The following SLC25A51 variants were observed in gnomAD, a reference collection of about 807,000 sequenced individuals.
SLC25A51 encodes the protein solute carrier family 25 member 51.
In SLC25A51, 11 loss-of-function variants were observed where a neutral mutation model predicts 19.1. The observed-to-expected ratio is 0.58, with a 90% CI of 0.36 to 0.96. The LOEUF is 0.96. SLC25A51 is among the 40% of genes least tolerant of loss of function. The probability of loss-of-function intolerance (pLI) is 0.01; values close to 1 mark genes in which losing one functional copy is unlikely to be tolerated. For missense variants in SLC25A51, 201 were observed against 365.4 expected, an observed-to-expected ratio of 0.55 and a Z score of 3.67; for synonymous variants, 105 against 133.6, an observed-to-expected ratio of 0.79 and a Z score of 1.47.
downstream of SLC25A51, chr9:37,878,147 A>G (rs889599971): frequency 6.1e-6 from 1 of 163,178 alleles, no homozygotes; most frequent in Non-Finnish European, 1.5e-5. Flanking sequence ...CTAAAAAACT[A>G]TGTGAGGGTA....
chr9:37,889,383 C>T (rs1831531488), intron 2 of SLC25A51, among the ~76,000 whole-genome samples: 1 of 152,024 alleles, frequency 6.6e-6, no homozygotes, highest in East Asian at 1.9e-4. Context: ...ACAATTACAC[C>T]AATGTGACAG....
chr9:37,886,135 C>T, downstream of SLC25A51: 2 of 1,424,114 alleles, frequency 1.4e-6, no homozygotes, highest in Non-Finnish European at 2.0e-6. Flanking sequence ...GCACATCACC[C>T]CTCACCAATC....
In SLC25A51 at chr9:37,881,716, T is replaced by C. The variant is rs1831353688; in HGVS notation, n.409-85A>G. On this transcript the variant is annotated intron_variant and non_coding_transcript_variant, in intron 2 of 3. Transcript: ENST00000496760. ...TGAAACCCCTCTTGACGAAATAAGA[T>C]GGATAGACAAAGGAATGTTTTACCT... 2.6e-5 allele frequency: 4 copies of C among 152,130 alleles called. No homozygotes were observed. In the South Asian group the frequency reaches 8.3e-4, roughly 32 times the overall value. 9.4% of individuals were successfully genotyped at this position (152,130 alleles called of 1,614,324 possible).
chr9:37,883,896 G>C (rs569092420), downstream of SLC25A51, among the ~76,000 whole-genome samples: 57 of 152,228 alleles, frequency 3.7e-4, no homozygotes, highest in Admixed American at 6.5e-4. Context: ...CTTTATTACT[G>C]CCTGGCTAAT....
chr9:37,882,614 G>C (rs1831370283), downstream of SLC25A51, among the ~76,000 whole-genome samples: 1 of 152,116 alleles, frequency 6.6e-6, no homozygotes, highest in Non-Finnish European at 1.5e-5. Flanking sequence ...AAACAAGAAA[G>C]ACACACATAT....
Position 37,891,379 on chromosome 9 carries a change from G to A in SLC25A51, c.-42-2787C>T, listed in dbSNP as rs533576172. Among the ~76,000 whole-genome samples, 134 of 152,308 alleles carry A rather than the reference G, an allele frequency of 8.8e-4. 5 individuals are homozygous for A. In the East Asian group the frequency reaches 0.017, roughly 19 times the overall value. ...GTGTACCCAACAGCTCATTGAGAAC[G>A]GGCCATGATGACGATGGCGGTTTTG... On this transcript the variant is annotated intron_variant, in intron 2 of 2. Coordinates refer to ENST00000242275, the MANE Select transcript of SLC25A51 (RefSeq NM_033412.4).
intron 2 of SLC25A51, among the ~76,000 whole-genome samples, chr9:37,893,928 ACT>A (rs1181794208): frequency 6.6e-6 from 1 of 151,950 alleles, no homozygotes; most frequent in African/African-American, 2.4e-5. Flanking sequence ...AATCAGCCTG[ACT>A]CTGTTCACGC....
chr9:37,892,648 C>A (rs1428483054), intron 2 of SLC25A51, among the ~76,000 whole-genome samples: 1 of 151,904 alleles, frequency 6.6e-6, no homozygotes, highest in Non-Finnish European at 1.5e-5. Context: ...TCTTGGCTCA[C>A]CTGCAGCCTC....
downstream of SLC25A51, chr9:37,878,599 C>A: frequency 1.9e-5 from 3 of 159,128 alleles, no homozygotes; most frequent in South Asian, 5.4e-4. Flanking sequence ...TATCATGAGT[C>A]ATGCCACATA....
chr9:37,885,712 G>T, downstream of SLC25A51: 3 of 1,409,084 alleles, frequency 2.1e-6, no homozygotes, highest in Non-Finnish European at 2.0e-6. Context: ...ATGTTTCTCA[G>T]TGCCATTGTG....
intron 1 of SLC25A51, 47 bp downstream of exon 1, chr9:37,904,021 T>C (rs2118396420): frequency 6.6e-6 from 1 of 152,322 alleles, no homozygotes; most frequent in Non-Finnish European, 1.5e-5. Context: ...CCCTCCAACC[T>C]CATGCGAAGA....
intron 1 of SLC25A51, among the ~76,000 whole-genome samples, chr9:37,900,741 A>T (rs975242304): frequency 6.6e-6 from 1 of 152,030 alleles, no homozygotes; most frequent in African/African-American, 2.4e-5. Flanking sequence ...AATTACTTCT[A>T]ACCTGTGTAC....
intron 1 of SLC25A51, among the ~76,000 whole-genome samples, chr9:37,900,247 G>A (rs979877349): frequency 1.3e-5 from 2 of 151,654 alleles, no homozygotes; most frequent in Non-Finnish European, 1.5e-5. Context: ...TCAGGAAATC[G>A]AGACCATCCT....
intron 2 of SLC25A51, among the ~76,000 whole-genome samples, chr9:37,897,836 A>G (rs894865511): frequency 2.0e-5 from 3 of 152,130 alleles, no homozygotes; most frequent in East Asian, 3.8e-4. Flanking sequence ...ACAAATCATC[A>G]AGACACAGAA....
intron 2 of SLC25A51, among the ~76,000 whole-genome samples, chr9:37,896,336 A>C (rs1303820642): frequency 2.6e-5 from 4 of 151,908 alleles, no homozygotes; most frequent in Admixed American, 2.6e-4. Context: ...TTGCAGCATC[A>C]AAATATAGTT....
intron 1 of SLC25A51, among the ~76,000 whole-genome samples, chr9:37,900,574 G>A (rs763642595): frequency 3.3e-5 from 5 of 152,036 alleles, no homozygotes; most frequent in Non-Finnish European, 5.9e-5. Flanking sequence ...GACCACAGGC[G>A]CATGCCACCA....
chr9:37,888,782 C>G (rs571265366), intron 2 of SLC25A51, among the ~76,000 whole-genome samples, 190 bp from the exon 3 acceptor site: 23 of 152,264 alleles, frequency 1.5e-4, no homozygotes, highest in Non-Finnish European at 2.1e-4. Flanking sequence ...GGAGATTTTC[C>G]TTTTTCAAAC....
intron 2 of SLC25A51, among the ~76,000 whole-genome samples, chr9:37,894,624 C>T (rs1470523879): frequency 3.3e-5 from 5 of 152,098 alleles, no homozygotes; most frequent in African/African-American, 1.2e-4. Flanking sequence ...CTGGCCTGGC[C>T]TTTTACAAAA....
chr9:37,883,004 C>T (rs1290129768), downstream of SLC25A51, among the ~76,000 whole-genome samples: 4 of 152,192 alleles, frequency 2.6e-5, no homozygotes, highest in South Asian at 4.1e-4. Context: ...CCACCATACC[C>T]GGCTAGTTTT....
Sources: gnomAD v4.1 joint callset for allele counts (sites outside exome capture counted in the v4.1 genomes callset) on GRCh38, gnomAD v4.1.1 for gene constraint, MANE v1.5 for transcripts, NCBI Gene and HGNC (gene_info 2026-07-23, HGNC 2026-07-21) for gene names.